WDPCP: variants seen among roughly 807,000 people sequenced by gnomAD.
WDPCP encodes the protein WD repeat-containing and planar cell polarity effector protein fritz homolog.
WDPCP carries 71 observed loss-of-function variants against 93.1 expected under a neutral mutation model. That is an observed-to-expected ratio of 0.76 (90% CI 0.63 to 0.93). The LOEUF is 0.93. WDPCP is among the 40% of genes least tolerant of loss of function. WDPCP has a pLI of 0.00. For missense variants in WDPCP, 844 were observed against 887.4 expected, an observed-to-expected ratio of 0.95 and a Z score of 0.62; for synonymous variants, 315 against 315.0, an observed-to-expected ratio of 1.00 and a Z score of 0.00.
Position 63,404,048 on chromosome 2 carries a change from C to G in WDPCP, c.1435G>C (p.Gly479Arg), listed in dbSNP as rs779649886. The G allele has an allele frequency of 6.2e-7, 1 of 1,613,962 alleles. No individual in the cohort carries two copies. Among genetic ancestry groups the G allele is most frequent in the South Asian group, 1.1e-5 (1 of 91,068 alleles). The change falls in exon 10 of 18, where the codon GGC becomes CGC. Residue 479 changes from glycine to arginine, a missense_variant and splice_region_variant. Physicochemically the swap from Gly to Arg is moderately radical, Grantham distance 125 (BLOSUM62 -2). Coordinates refer to ENST00000272321, the MANE Select transcript of WDPCP (RefSeq NM_015910.7). ...GPLGVLLFKL[G>R]VFTRGQLGLI... is the part of the protein sequence containing the mutation. ...TTACTCATCACTTTCCTTGACTTAC[C>G]TAGTTTAAACAACAGCACACCCAAA... is the stretch of plus-strand genomic sequence containing the variant.
intron 2 of WDPCP, among the ~76,000 whole-genome samples, chr2:63,706,783 A>C (rs1179837196): frequency 6.6e-6 from 1 of 150,418 alleles, no homozygotes; most frequent in African/African-American, 2.4e-5. Flanking sequence ...CGCCCGGCTA[A>C]TTTTTTGTAT....
At chr2:63,826,269 T>C (rs375653343) in intron 1 of WDPCP, among the ~76,000 whole-genome samples, 7 of 152,188 alleles carry the variant, frequency 4.6e-5, no homozygotes, top group African/African-American at 1.7e-4. Flanking sequence ...CTTTGCTTAA[T>C]TTAATACATA....
intron 1 of WDPCP, among the ~76,000 whole-genome samples, chr2:63,504,167 C>CT (rs1298326346): frequency 1.4e-4 from 21 of 151,942 alleles, no homozygotes; most frequent in Non-Finnish European, 2.2e-4. Context: ...ACCTGAAAAC[C>CT]TTTTTTCTAT....
chr2:63,221,035 A>G (rs529038022), intron 14 of WDPCP, among the ~76,000 whole-genome samples: 2 of 152,286 alleles, frequency 1.3e-5, no homozygotes, highest in African/African-American at 4.8e-5. Context: ...ACATGATCCT[A>G]TTCTTTTTAT....
chr2:63,475,099 T>C (rs1476014735), intron 6 of WDPCP, among the ~76,000 whole-genome samples: 1 of 152,114 alleles, frequency 6.6e-6, no homozygotes, highest in Non-Finnish European at 1.5e-5. Context: ...CTAAGTTCAG[T>C]AGCCCCTACA....
intron 1 of WDPCP, among the ~76,000 whole-genome samples, chr2:63,533,227 A>G (rs977343047): frequency 2.0e-5 from 3 of 152,212 alleles, no homozygotes; most frequent in African/African-American, 4.8e-5. Flanking sequence ...TTAGAGACCT[A>G]CAAAGAGCTT....
intron 6 of WDPCP, among the ~76,000 whole-genome samples, chr2:63,456,822 G>C (rs1483890121): frequency 6.6e-6 from 1 of 152,096 alleles, no homozygotes; most frequent in East Asian, 1.9e-4. Flanking sequence ...GCCCAGCCTG[G>C]GCAACATGGC....
chr2:63,607,840 AAAG>A (rs1207009351), intron 3 of WDPCP, among the ~76,000 whole-genome samples: 9 of 151,876 alleles, frequency 5.9e-5, no homozygotes, highest in East Asian at 1.9e-4. Context: ...AAAAAAAAAA[AAAG>A]AAGAAAAGAA....
In WDPCP at chr2:63,167,754, T is replaced by G. The variant is rs1379283934; in HGVS notation, c.2078+6916A>C. ...TAGAATTTGATGAATATTCATAATATCTACATTATTATGTTTAGGTATTAT... is the reference window on the plus strand; with the variant it reads ...TAGAATTTGATGAATATTCATAATAGCTACATTATTATGTTTAGGTATTAT... On this transcript the variant is annotated intron_variant, in intron 15 of 17. Transcript: ENST00000272321. Among the ~76,000 whole-genome samples the G allele has an allele frequency of 2.0e-5, 3 of 152,228 alleles. No individual in the cohort carries two copies. In the South Asian group the frequency reaches 6.2e-4, roughly 32 times the overall value.
chr2:63,298,015 G>T (rs1467381438), intron 13 of WDPCP, among the ~76,000 whole-genome samples: 1 of 152,110 alleles, frequency 6.6e-6, no homozygotes, highest in Non-Finnish European at 1.5e-5. Context: ...AATGGCCAAA[G>T]GGTAAAACCT....
At chr2:63,810,253 A>C (rs920873702) in intron 2 of WDPCP, among the ~76,000 whole-genome samples, 4 of 152,178 alleles carry the variant, frequency 2.6e-5, no homozygotes, top group Admixed American at 2.6e-4. Context: ...ACCATCTTTT[A>C]TGTTGACTAC....
intron 1 of WDPCP, among the ~76,000 whole-genome samples, chr2:63,514,791 G>GCT (rs1457350577): frequency 5.3e-5 from 8 of 152,166 alleles, no homozygotes; most frequent in African/African-American, 1.9e-4. Flanking sequence ...GATAGAGAGA[G>GCT]AGTGATAGCT....
At chr2:63,185,390 T>G (rs933377486) in intron 14 of WDPCP, among the ~76,000 whole-genome samples, 3 of 151,948 alleles carry the variant, frequency 2.0e-5, no homozygotes, top group Non-Finnish European at 2.9e-5. Flanking sequence ...TGGACAGGAC[T>G]TCCCCCCCTC....
chr2:63,152,266 GCTA>G (rs895926670), intron 17 of WDPCP, among the ~76,000 whole-genome samples: 2 of 150,348 alleles, frequency 1.3e-5, no homozygotes, highest in African/African-American at 4.9e-5. Flanking sequence ...TCAACTCCTG[GCTA>G]CTCTTTTTTT....
chr2:63,477,592 G>C (rs1700043004), intron 6 of WDPCP, among the ~76,000 whole-genome samples: 1 of 152,040 alleles, frequency 6.6e-6, no homozygotes, highest in Non-Finnish European at 1.5e-5. Context: ...CACACATCAT[G>C]AACTTTTGCT....
At chr2:63,647,868 G>A (rs1384569836) in intron 3 of WDPCP, among the ~76,000 whole-genome samples, 5 of 151,930 alleles carry the variant, frequency 3.3e-5, no homozygotes, top group Non-Finnish European at 7.4e-5. Flanking sequence ...CTTGGTTCTT[G>A]GGCCCCATCT....
intron 14 of WDPCP, among the ~76,000 whole-genome samples, chr2:63,197,030 T>TAAAC (rs1295579657): frequency 1.3e-5 from 2 of 152,064 alleles, no homozygotes; most frequent in East Asian, 1.9e-4. Context: ...GAAAAAGAAA[T>TAAAC]AAACAAATTA....
chr2:63,700,642 T>A (rs1262597161), intron 2 of WDPCP, among the ~76,000 whole-genome samples: 1 of 152,148 alleles, frequency 6.6e-6, no homozygotes, highest in Non-Finnish European at 1.5e-5. Flanking sequence ...AAAGTTTTGA[T>A]ACCCAGCATG....
At chr2:63,336,007 T>C (rs995625009) in intron 12 of WDPCP, among the ~76,000 whole-genome samples, 22 of 152,214 alleles carry the variant, frequency 1.4e-4, no homozygotes, top group African/African-American at 5.1e-4. Context: ...AGTTACCCTA[T>C]ATGGTCTAAA....
Sources: allele counts gnomAD v4.1 joint callset (sites outside exome capture counted in the v4.1 genomes callset), GRCh38; gene constraint gnomAD v4.1.1; transcripts MANE v1.5; gene names NCBI Gene and HGNC (gene_info 2026-07-23, HGNC 2026-07-21).